Variants in ASH2L observed in about 807,000 individuals in gnomAD.
ASH2L encodes the protein ASH2 like, histone lysine methyltransferase complex subunit.
In ASH2L, 30 loss-of-function variants were observed where a neutral mutation model predicts 81.1. The ratio of observed to expected loss-of-function variants is 0.37; its 90% CI spans 0.28 to 0.50. The LOEUF (loss-of-function observed/expected upper bound fraction) is 0.50, where lower values mean the gene tolerates loss of function less well. Ranked by LOEUF, ASH2L falls within the 20% of genes least tolerant of loss-of-function variation. The pLI is 0.95. For synonymous variants in ASH2L, 273 were observed against 279.9 expected (o/e 0.98, Z 0.24); for missense variants, 559 against 792.1 (o/e 0.71, Z 3.53).
Position 38,115,020 on chromosome 8 carries a change from A to G in ASH2L, c.777+20A>G, listed in dbSNP as rs776918529. The G allele has an allele frequency of 1.3e-6, 2 of 1,525,128 alleles. No individual in the cohort carries two copies. Among genetic ancestry groups the G allele is most frequent in the African/African-American group, 1.4e-5 (1 of 72,894 alleles). 94.5% of individuals were successfully genotyped at this position (1,525,128 alleles called of 1,614,324 possible). A position where few individuals can be genotyped will look rare whatever the true frequency, so the allele number is the denominator to read the frequency against. ...GATCAGGTACATTAATATGTTTTACATTTTCTTTTTGATTTTAAGCCACTC... is the reference window on the plus strand; with the variant it reads ...GATCAGGTACATTAATATGTTTTACGTTTTCTTTTTGATTTTAAGCCACTC... On this transcript the variant is annotated intron_variant, in intron 7 of 15. Transcript: ENST00000343823.
chr8:38,134,366 G>C (rs1180748196), intron 13 of ASH2L, among the ~76,000 whole-genome samples: 1 of 152,044 alleles, frequency 6.6e-6, no homozygotes, highest in Non-Finnish European at 1.5e-5. Flanking sequence ...ACAAGAGACT[G>C]AGGAAGCAAG....
intron 3 of ASH2L, among the ~76,000 whole-genome samples, chr8:38,108,777 A>G (rs1336476444): frequency 6.6e-6 from 1 of 151,754 alleles, no homozygotes; most frequent in African/African-American, 2.4e-5. Context: ...GGCGACAGTG[A>G]GACTCCGTCT....
chr8:38,118,751 G>T (rs1295321853), intron 8 of ASH2L, among the ~76,000 whole-genome samples: 1 of 152,190 alleles, frequency 6.6e-6, no homozygotes, highest in African/African-American at 2.4e-5. Flanking sequence ...TGTCTTGTTG[G>T]ATATTCAGGT....
chr8:38,128,561 A>G, intron 11 of ASH2L, 103 bp downstream of exon 11: 3 of 1,501,340 alleles, frequency 2.0e-6, no homozygotes, highest in South Asian at 1.3e-5. Context: ...GATTGTGGGC[A>G]TAGAATTCAG....
At chr8:38,120,803 A>G (rs1811113467) in intron 9 of ASH2L, 129 bp from the exon 10 acceptor site, 2 of 710,042 alleles carry the variant, frequency 2.8e-6, no homozygotes, top group Admixed American at 2.6e-5. Context: ...TATTTGAGTA[A>G]TGAGAAGTAT....
chr8:38,119,121 C>G, intron 8 of ASH2L, 149 bp from the exon 9 acceptor site: 2 of 682,134 alleles, frequency 2.9e-6, no homozygotes, highest in East Asian at 3.2e-5. Flanking sequence ...TCTTTGAAAA[C>G]TAGGGTGAAA....
chr8:38,107,894 GTGTGTGTGTGTA>G lies in ASH2L; in HGVS notation c.401+730_401+741del, dbSNP rs541540040. Among the ~76,000 whole-genome samples the G allele has an allele frequency of 8.8e-3, 1,328 of 150,082 alleles. 27 individuals carry two copies. The highest frequency in any genetic ancestry group is 0.03 in the African/African-American group (1,229 of 40,914). ...TGTGTGTGTGTGTGTGTGTGTGTGT[GTGTGTGTGTGTA>G]TATGTATATATATATACATATATAT... On this transcript the variant is annotated intron_variant, in intron 3 of 15. Transcript: ENST00000343823.
intron 10 of ASH2L, among the ~76,000 whole-genome samples, chr8:38,126,346 C>T (rs1482134196): frequency 6.6e-6 from 1 of 152,014 alleles, no homozygotes; most frequent in Admixed American, 6.6e-5. Flanking sequence ...GGAGACATGA[C>T]AACTAAGTGA....
chr8:38,132,374 T>A (rs1285756767), intron 12 of ASH2L, among the ~76,000 whole-genome samples: 1 of 152,230 alleles, frequency 6.6e-6, no homozygotes, highest in Non-Finnish European at 1.5e-5. Flanking sequence ...ATGTCATATA[T>A]TTCTCTGGAA....
chr8:38,125,851 C>T (rs1191721926), intron 10 of ASH2L, among the ~76,000 whole-genome samples: 1 of 152,120 alleles, frequency 6.6e-6, no homozygotes, highest in Non-Finnish European at 1.5e-5. Context: ...CACTGAGGGG[C>T]ACAACATTAC....
At chr8:38,106,131 C>A in intron 1 of ASH2L, 1 of 1,529,202 alleles carries the variant, frequency 6.5e-7, no homozygotes, top group East Asian at 2.5e-5. Context: ...AGGACCAACT[C>A]TAACCCAGGT....
intron 5 of ASH2L, among the ~76,000 whole-genome samples, chr8:38,111,862 C>T (rs1013709958): frequency 2.0e-5 from 3 of 152,164 alleles, no homozygotes; most frequent in Non-Finnish European, 4.4e-5. Context: ...TGCAGTACTA[C>T]TAATTTACAG....
At chr8:38,124,162 A>G (rs1260450674) in intron 10 of ASH2L, 1 of 151,952 alleles carries the variant, frequency 6.6e-6, no homozygotes, top group Admixed American at 6.6e-5. Context: ...TTTATACATG[A>G]ATAGCAGCGT....
At chr8:38,107,868 ATGTGTGTGTGTGTG>A (rs10542885) in intron 3 of ASH2L, among the ~76,000 whole-genome samples, 10 of 141,506 alleles carry the variant, frequency 7.1e-5, no homozygotes, top group East Asian at 4.0e-4. Context: ...AAATACATAT[ATGTGTGTGTGTGTG>A]TGTGTGTGTG....
At chr8:38,105,981 G>T in intron 1 of ASH2L, 1 of 1,529,888 alleles carries the variant, frequency 6.5e-7, no homozygotes, top group Non-Finnish European at 8.7e-7. Context: ...TTGCACCCTG[G>T]CAGGAAGCTG....
chr8:38,135,585 C>G, intron 13 of ASH2L, 83 bp from the exon 14 acceptor site: 1 of 987,018 alleles, frequency 1.0e-6, no homozygotes. Flanking sequence ...GGCAGCAGCA[C>G]TTCTAACATA....
intron 6 of ASH2L, 35 bp from the exon 7 acceptor site, chr8:38,114,870 A>C (rs764448200): frequency 7.4e-7 from 1 of 1,344,404 alleles, no homozygotes. Flanking sequence ...TAAGTATAAA[A>C]TGTTCATTAA....
chr8:38,115,338 A>T (rs1810851300), intron 7 of ASH2L, among the ~76,000 whole-genome samples: 1 of 152,178 alleles, frequency 6.6e-6, no homozygotes, highest in Admixed American at 6.5e-5. Flanking sequence ...GCTCTTAAAA[A>T]CTTTCTTTGT....
At chr8:38,105,988 G>A in intron 1 of ASH2L, 1 of 1,531,166 alleles carries the variant, frequency 6.5e-7, no homozygotes, top group Non-Finnish European at 8.7e-7. Flanking sequence ...CTGGCAGGAA[G>A]CTGGTAGCTC....
Sources: allele counts gnomAD v4.1 joint callset (sites outside exome capture counted in the v4.1 genomes callset), GRCh38; gene constraint gnomAD v4.1.1; transcripts MANE v1.5; gene names NCBI Gene and HGNC (gene_info 2026-07-23, HGNC 2026-07-21).